C9orf85: variants seen among roughly 807,000 people sequenced by gnomAD.
The protein encoded by C9orf85 is chromosome 9 open reading frame 85.
Under a neutral mutation model 14.9 loss-of-function variants are expected in C9orf85, and 16 were observed. The ratio of observed to expected loss-of-function variants is 1.08; its 90% confidence interval spans 0.73 to 1.63. The LOEUF is 1.63. Ranked by LOEUF, C9orf85 falls within the 40% of genes most tolerant of loss-of-function variation. C9orf85 has a pLI of 0.00. For missense variants in C9orf85, 172 were observed against 186.1 expected (o/e 0.92, Z 0.44); for synonymous variants, 45 against 56.8 (o/e 0.79, Z 0.93).
At chr9:71,925,587 C>T (rs976758657) in intron 1 of C9orf85, among the ~76,000 whole-genome samples, 1 of 152,092 alleles carries the variant, frequency 6.6e-6, no homozygotes, top group African/African-American at 2.4e-5. Context: ...CGGTGGACTC[C>T]GTTGTCCAAT....
At chr9:71,951,309 AG>A (rs1184887956) in intron 2 of C9orf85, among the ~76,000 whole-genome samples, 1 of 152,198 alleles carries the variant, frequency 6.6e-6, no homozygotes, top group African/African-American at 2.4e-5. Flanking sequence ...ATGAAAGATG[AG>A]GGGATAAAAA....
downstream of C9orf85, among the ~76,000 whole-genome samples, chr9:71,973,909 C>CT (rs1822955179): frequency 8.0e-6 from 1 of 125,564 alleles, no homozygotes; most frequent in Non-Finnish European, 1.7e-5. Flanking sequence ...TATTTTATTT[C>CT]TTTAATTTTA....
intron 2 of C9orf85, among the ~76,000 whole-genome samples, chr9:71,970,369 T>C (rs948041658): frequency 2.0e-5 from 3 of 152,194 alleles, no homozygotes; most frequent in African/African-American, 7.2e-5. Flanking sequence ...TGTTCTAAAA[T>C]TGTCATTTTG....
chr9:71,974,756 T>A (rs1436251402), downstream of C9orf85, among the ~76,000 whole-genome samples: 1 of 152,218 alleles, frequency 6.6e-6, no homozygotes, highest in Non-Finnish European at 1.5e-5. Context: ...TTTATCCCCT[T>A]GTTCATAGAA....
chr9:71,960,810 C>T (rs1430647393), intron 2 of C9orf85, among the ~76,000 whole-genome samples: 1 of 152,054 alleles, frequency 6.6e-6, no homozygotes. Flanking sequence ...GCTGGGATTA[C>T]AGGCGCAAGC....
chr9:71,932,569 T>G (rs1452488229), intron 1 of C9orf85, among the ~76,000 whole-genome samples: 1 of 152,222 alleles, frequency 6.6e-6, no homozygotes, highest in Non-Finnish European at 1.5e-5. Flanking sequence ...GTGTAACCAT[T>G]TATTGAATCT....
chr9:71,929,283 A>G (rs368975407), intron 1 of C9orf85, among the ~76,000 whole-genome samples: 1 of 152,204 alleles, frequency 6.6e-6, no homozygotes. Context: ...ATGTTAAACA[A>G]TAGTCCATCA....
At chr9:71,927,657 A>G (rs1589249305) in intron 1 of C9orf85, among the ~76,000 whole-genome samples, 1 of 152,336 alleles carries the variant, frequency 6.6e-6, no homozygotes, top group Non-Finnish European at 1.5e-5. Context: ...AGATAAGACC[A>G]GTGTACAAGA....
chr9:71,926,125 G>A (rs1257567611), intron 1 of C9orf85, among the ~76,000 whole-genome samples: 5 of 152,186 alleles, frequency 3.3e-5, no homozygotes, highest in Non-Finnish European at 5.9e-5. Context: ...GCCAGGGATT[G>A]TATAATTAAT....
chr9:71,984,068 T>C (rs1823158127), downstream of C9orf85: 1 of 152,208 alleles, frequency 6.6e-6, no homozygotes, highest in South Asian at 2.1e-4. Flanking sequence ...ATTTTGGTAT[T>C]AGCCCGATTT....
intron 1 of C9orf85, among the ~76,000 whole-genome samples, chr9:71,925,907 GT>G (rs894825130): frequency 2.0e-5 from 3 of 152,266 alleles, no homozygotes; most frequent in Admixed American, 6.5e-5. Flanking sequence ...GGAAGTTAAG[GT>G]TTTTTCAGTA....
chr9:71,980,500 G>A (rs1589278726), intron 3 of C9orf85, among the ~76,000 whole-genome samples: 1 of 151,982 alleles, frequency 6.6e-6, no homozygotes, highest in Non-Finnish European at 1.5e-5. Context: ...CCTTAGCAGA[G>A]GATATTACAA....
intron 3 of C9orf85, among the ~76,000 whole-genome samples, chr9:71,972,168 ACTTTT>A (rs1382276342): frequency 2.6e-5 from 4 of 152,154 alleles, no homozygotes; most frequent in Non-Finnish European, 4.4e-5. Context: ...TTATTTAACA[ACTTTT>A]CTTTTAATAG....
chr9:71,948,934 T>C (rs1255992144), intron 2 of C9orf85, among the ~76,000 whole-genome samples: 1 of 151,958 alleles, frequency 6.6e-6, no homozygotes, highest in African/African-American at 2.4e-5. Flanking sequence ...TTATGCTTAG[T>C]GGCCCAAATT....
intron 2 of C9orf85, among the ~76,000 whole-genome samples, chr9:71,955,757 C>T (rs751743621): frequency 2.0e-5 from 3 of 152,138 alleles, no homozygotes; most frequent in Non-Finnish European, 4.4e-5. Context: ...TGTAGCCATC[C>T]AAGCTGTACT....
intron 1 of C9orf85, among the ~76,000 whole-genome samples, chr9:71,936,287 A>G (rs1269468688): frequency 1.3e-5 from 2 of 152,142 alleles, no homozygotes; most frequent in Non-Finnish European, 2.9e-5. Context: ...CGTTGAGCTC[A>G]TTGCTGAGGC....
intron 2 of C9orf85, among the ~76,000 whole-genome samples, chr9:71,970,508 T>C (rs1822830352): frequency 6.6e-6 from 1 of 152,206 alleles, no homozygotes; most frequent in Non-Finnish European, 1.5e-5. Context: ...ATCCATAATA[T>C]ATTTCCACTA....
chr9:71,925,684 G>T (rs1328646994), intron 1 of C9orf85, among the ~76,000 whole-genome samples: 1 of 152,132 alleles, frequency 6.6e-6, no homozygotes, highest in Non-Finnish European at 1.5e-5. Flanking sequence ...TCAGTCAGTA[G>T]CTTCTGATAA....
downstream of C9orf85, among the ~76,000 whole-genome samples, chr9:71,975,943 C>G (rs566049364): frequency 1.3e-5 from 2 of 152,318 alleles, no homozygotes; most frequent in Admixed American, 1.3e-4. Context: ...TAAAGTCTTA[C>G]TGGACCTACC....
Sources: gnomAD v4.1 joint callset for allele counts (sites outside exome capture counted in the v4.1 genomes callset) on GRCh38, gnomAD v4.1.1 for gene constraint, MANE v1.5 for transcripts, NCBI Gene and HGNC (gene_info 2026-07-23, HGNC 2026-07-21) for gene names.